ABCC1: variants seen among roughly 807,000 people sequenced by gnomAD.
The protein encoded by ABCC1 is multidrug resistance-associated protein 1.
Under a neutral mutation model 172.9 loss-of-function variants are expected in ABCC1, and 83 were observed. The observed-to-expected ratio is 0.48, with a 90% CI of 0.40 to 0.58. ABCC1 has a LOEUF of 0.58. Among genes scored for constraint, ABCC1 ranks in the 20% least tolerant of loss-of-function variants. The probability of loss-of-function intolerance (pLI) is 0.00; values close to 1 mark genes in which losing one functional copy is unlikely to be tolerated. For synonymous variants in ABCC1, 937 were observed against 825.2 expected (o/e 1.14, Z -2.32); for missense variants, 1,817 against 2,002.7 (o/e 0.91, Z 1.77).
At chr16:16,124,348 T>A (rs2045321472) in intron 24 of ABCC1, among the ~76,000 whole-genome samples, 1 of 129,434 alleles carries the variant, frequency 7.7e-6, no homozygotes, top group African/African-American at 3.0e-5. Flanking sequence ...TGTGTGTGTG[T>A]GATTATAGGA....
At chr16:16,050,290 C>T (rs568348231) in intron 10 of ABCC1, among the ~76,000 whole-genome samples, 10 of 152,194 alleles carry the variant, frequency 6.6e-5, no homozygotes, top group African/African-American at 1.7e-4. Flanking sequence ...AAAACCCCGT[C>T]TCTACTAAAA....
At chr16:15,967,951 G>T (rs539032302) in intron 1 of ABCC1, among the ~76,000 whole-genome samples, 1 of 152,112 alleles carries the variant, frequency 6.6e-6, no homozygotes, top group Non-Finnish European at 1.5e-5. Context: ...TCTTTGTCTT[G>T]TCTGATGTTA....
At chr16:15,954,277 C>A (rs1051434040) in intron 1 of ABCC1, among the ~76,000 whole-genome samples, 5 of 152,262 alleles carry the variant, frequency 3.3e-5, no homozygotes, top group South Asian at 4.1e-4. Flanking sequence ...GGTCAACCTG[C>A]CTCAGCCTCC....
intron 1 of ABCC1, among the ~76,000 whole-genome samples, chr16:16,000,596 T>C (rs760917019): frequency 9.2e-5 from 14 of 152,118 alleles, no homozygotes; most frequent in Non-Finnish European, 1.8e-4. Context: ...GATGGATTGT[T>C]GTTTAATTGT....
Position 16,134,473 on chromosome 16 carries a change from C to T in ABCC1, c.4090C>T (p.His1364Tyr). 1.9e-6 allele frequency: 3 copies of T among 1,614,180 alleles called. No homozygotes were observed. Among genetic ancestry groups the T allele is most frequent in the Non-Finnish European group, 2.5e-6 (3 of 1,180,034 alleles). Residue 1364 changes from histidine (H) to tyrosine (Y), a missense_variant, in exon 28 of 31, where the codon CAC (histidine) becomes TAC (tyrosine). His to Tyr is a moderately conservative substitution (Grantham distance 83). Transcript: ENST00000399410. ...CATCAACATCGCCAAGATCGGCCTG[C>T]ACGACCTCCGCTTCAAGATCACCAT... is the stretch of plus-strand genomic sequence containing the variant. ...DGINIAKIGLHDLRFKITIIP... is the reference protein window; with the variant it reads ...DGINIAKIGLYDLRFKITIIP...
intron 23 of ABCC1, among the ~76,000 whole-genome samples, chr16:16,118,165 G>T (rs1368774847): frequency 2.0e-5 from 3 of 152,182 alleles, no homozygotes; most frequent in Non-Finnish European, 2.9e-5. Flanking sequence ...CAGCACAATT[G>T]CCAGTAGGGA....
At chr16:15,990,739 T>C (rs959341573) in intron 1 of ABCC1, among the ~76,000 whole-genome samples, 1 of 151,614 alleles carries the variant, frequency 6.6e-6, no homozygotes, top group African/African-American at 2.4e-5. Context: ...AAGCTCCGCC[T>C]CCTGGGTTCA....
At chr16:16,097,736 C>T (rs1399150681) in intron 19 of ABCC1, among the ~76,000 whole-genome samples, 3 of 152,204 alleles carry the variant, frequency 2.0e-5, no homozygotes, top group African/African-American at 7.2e-5. Context: ...ATACACTTGT[C>T]AGTCTGCCCA....
At chr16:16,136,439 C>A (rs759994015) in intron 28 of ABCC1, 39 bp from the exon 29 acceptor site, 1 of 1,607,290 alleles carries the variant, frequency 6.2e-7, no homozygotes, top group South Asian at 1.1e-5. Context: ...CAGCGTGACA[C>A]AGGTGTCACA....
chr16:16,015,962 G>C (rs1053063077), intron 4 of ABCC1, among the ~76,000 whole-genome samples: 1 of 152,074 alleles, frequency 6.6e-6, no homozygotes, highest in Non-Finnish European at 1.5e-5. Flanking sequence ...GCCAGGCCTT[G>C]ATACAGCTCT....
chr16:16,033,861 G>A (rs2048644282), intron 6 of ABCC1, among the ~76,000 whole-genome samples: 1 of 152,080 alleles, frequency 6.6e-6, no homozygotes, highest in East Asian at 1.9e-4. Flanking sequence ...CTGACCTCAG[G>A]TGATCCACCC....
chr16:16,065,455 CG>C (rs2050075956), intron 12 of ABCC1, among the ~76,000 whole-genome samples: 1 of 152,072 alleles, frequency 6.6e-6, no homozygotes, highest in African/African-American at 2.4e-5. Context: ...TGTTTTGAGA[CG>C]GAGTCTTGCT....
intron 24 of ABCC1, 123 bp downstream of exon 24, chr16:16,122,297 G>A (rs1457068070): frequency 1.8e-6 from 2 of 1,082,064 alleles, no homozygotes; most frequent in African/African-American, 1.6e-5. Context: ...TTGCAGAAAG[G>A]ATGGAGAGGC....
chr16:16,036,838 G>T (rs1055051594), intron 7 of ABCC1, among the ~76,000 whole-genome samples: 1 of 152,222 alleles, frequency 6.6e-6, no homozygotes, highest in African/African-American at 2.4e-5. Flanking sequence ...GGGTGCGGTG[G>T]CTCTCGTGTC....
intron 8 of ABCC1, among the ~76,000 whole-genome samples, chr16:16,044,895 C>T (rs551812777): frequency 2.1e-4 from 32 of 152,254 alleles, no homozygotes; most frequent in African/African-American, 7.5e-4. Flanking sequence ...AGCGATCCTC[C>T]TGCCTCGGCC....
rs1320995955 is a variant in ABCC1 at position 16,083,609 on chromosome 16, A to G, written c.2292+67A>G. ...TTGCCGCGTAACAAATGCTCTCACA[A>G]TCTCAGTGGGCTGTGAGTCTGCTGC... On this transcript the variant is annotated intron_variant, in intron 17 of 30. Transcript: ENST00000399410. 1.8e-5 allele frequency: 28 copies of G among 1,559,376 alleles called. No homozygotes were observed. The South Asian group carries it at 2.5e-4, about 14-fold the overall frequency.
At chr16:15,954,176 G>A (rs1256418088) in intron 1 of ABCC1, among the ~76,000 whole-genome samples, 2 of 151,704 alleles carry the variant, frequency 1.3e-5, no homozygotes, top group South Asian at 2.1e-4. Flanking sequence ...GCCTGGCTAA[G>A]TTTTGTATTT....
At chr16:16,125,235 A>G (rs1339482958) in intron 25 of ABCC1, among the ~76,000 whole-genome samples, 1 of 152,172 alleles carries the variant, frequency 6.6e-6, no homozygotes, top group Non-Finnish European at 1.5e-5. Context: ...AAATGATGAT[A>G]CATTGTGTTT....
chr16:16,088,128 TG>T (rs1249965345), intron 18 of ABCC1, among the ~76,000 whole-genome samples: 19 of 110,354 alleles, frequency 1.7e-4, no homozygotes, highest in African/African-American at 6.2e-4. Context: ...TGTATGCGTG[TG>T]TGTGTGTGTG....
Sources: gnomAD v4.1 joint callset for allele counts (sites outside exome capture counted in the v4.1 genomes callset) on GRCh38, gnomAD v4.1.1 for gene constraint, MANE v1.5 for transcripts, NCBI Gene and HGNC (gene_info 2026-07-23, HGNC 2026-07-21) for gene names.